Variants in SUGCT observed in about 807,000 individuals in gnomAD.
The protein encoded by SUGCT is succinyl-CoA:glutarate CoA-transferase.
SUGCT carries 41 observed loss-of-function variants against 55.0 expected under a neutral mutation model. The observed-to-expected ratio is 0.74, with a 90% CI of 0.58 to 0.97. The LOEUF is 0.97. Among genes scored for constraint, SUGCT ranks in the 50% least tolerant of loss-of-function variants. The probability of loss-of-function intolerance (pLI) is 0.00; values close to 1 mark genes in which losing one functional copy is unlikely to be tolerated. For synonymous variants in SUGCT, 187 were observed against 200.4 expected (o/e 0.93, Z 0.56); for missense variants, 568 against 547.8 (o/e 1.04, Z -0.37).
intron 13 of SUGCT, among the ~76,000 whole-genome samples, chr7:40,842,432 G>A (rs937722961): frequency 1.3e-5 from 2 of 152,106 alleles, no homozygotes; most frequent in South Asian, 4.2e-4. Flanking sequence ...ACCTATTACT[G>A]TCATACTAAA....
At chr7:40,215,402 C>T (rs1787568251) in intron 6 of SUGCT, among the ~76,000 whole-genome samples, 1 of 152,130 alleles carries the variant, frequency 6.6e-6, no homozygotes, top group African/African-American at 2.4e-5. Context: ...GGCCCACCCG[C>T]CTTGGCCTCC....
intron 9 of SUGCT, among the ~76,000 whole-genome samples, chr7:40,354,887 A>T (rs1797814926): frequency 6.6e-6 from 1 of 152,210 alleles, no homozygotes; most frequent in Admixed American, 6.5e-5. Context: ...CAGTCTACAC[A>T]TTATTATGAG....
At chr7:40,141,518 C>T (rs1020787548) in intron 1 of SUGCT, among the ~76,000 whole-genome samples, 33 of 151,782 alleles carry the variant, frequency 2.2e-4, no homozygotes, top group African/African-American at 8.0e-4. Context: ...CCTGTAATCC[C>T]AGCTACTTGG....
chr7:40,137,620 C>T (rs1427467997), intron 1 of SUGCT, among the ~76,000 whole-genome samples: 1 of 152,100 alleles, frequency 6.6e-6, no homozygotes, highest in African/African-American at 2.4e-5. Flanking sequence ...ATAAAAGTGA[C>T]CAATAAAAAA....
chr7:40,444,380 G>T (rs1442106085), intron 9 of SUGCT, among the ~76,000 whole-genome samples: 1 of 152,084 alleles, frequency 6.6e-6, no homozygotes, highest in South Asian at 2.1e-4. Flanking sequence ...CCATTTGTTT[G>T]TGTTCTCTTT....
At chr7:40,386,401 G>A (rs568171217) in intron 9 of SUGCT, among the ~76,000 whole-genome samples, 2 of 152,208 alleles carry the variant, frequency 1.3e-5, no homozygotes, top group East Asian at 3.9e-4. Flanking sequence ...CAAAGTTGTG[G>A]GGCTGAGGTC....
chr7:40,396,416 A>G (rs1294415697), intron 9 of SUGCT, among the ~76,000 whole-genome samples: 1 of 152,172 alleles, frequency 6.6e-6, no homozygotes, highest in Non-Finnish European at 1.5e-5. Context: ...TGTTTAAAAG[A>G]GCTTGACTAA....
chr7:40,420,697 T>C (rs1012415150), intron 9 of SUGCT, among the ~76,000 whole-genome samples: 3 of 152,104 alleles, frequency 2.0e-5, no homozygotes, highest in African/African-American at 7.2e-5. Context: ...TTTCTGGCTC[T>C]TTGTGCTGCT....
the SUGCT span, among the ~76,000 whole-genome samples, chr7:40,993,667 C>G: frequency 1.3e-5 from 2 of 152,128 alleles, no homozygotes; most frequent in Non-Finnish European, 2.9e-5. Flanking sequence ...GCATTTTACC[C>G]ATGGCCAGAA....
At chr7:40,559,470 G>A (rs958546519) in intron 12 of SUGCT, among the ~76,000 whole-genome samples, 21 of 152,200 alleles carry the variant, frequency 1.4e-4, no homozygotes, top group African/African-American at 5.1e-4. Flanking sequence ...GTCACCCAGT[G>A]GTTACAATTG....
chr7:40,669,078 T>C (rs1479609141), intron 12 of SUGCT, among the ~76,000 whole-genome samples: 1 of 152,110 alleles, frequency 6.6e-6, no homozygotes, highest in African/African-American at 2.4e-5. Flanking sequence ...ACATGAGGAA[T>C]AGGACAAAGA....
chr7:40,562,406 A>G (rs556395262), intron 12 of SUGCT, among the ~76,000 whole-genome samples: 68 of 152,140 alleles, frequency 4.5e-4, no homozygotes, highest in Admixed American at 1.8e-3. Context: ...GAGGTGTAAA[A>G]TGGTGTAGGA....
At chr7:40,516,113 T>A (rs1793215927) in intron 12 of SUGCT, among the ~76,000 whole-genome samples, 1 of 152,198 alleles carries the variant, frequency 6.6e-6, no homozygotes, top group South Asian at 2.1e-4. Flanking sequence ...CTAATGACAA[T>A]GATGTTGAAA....
intron 12 of SUGCT, among the ~76,000 whole-genome samples, chr7:40,735,793 A>G (rs998713072): frequency 2.6e-5 from 4 of 152,170 alleles, no homozygotes; most frequent in Non-Finnish European, 4.4e-5. Context: ...TGTTTTGACC[A>G]TGGTTCTTGA....
At chr7:40,851,172 C>A (rs150258099) in intron 13 of SUGCT, among the ~76,000 whole-genome samples, 5 of 152,128 alleles carry the variant, frequency 3.3e-5, no homozygotes, top group Non-Finnish European at 7.4e-5. Context: ...CAGTCTTAAC[C>A]GCCTTGTTGT....
In SUGCT at chr7:40,459,423, A is replaced by C. The variant is rs3779136; in HGVS notation, c.986+225A>C. On this transcript the variant is annotated intron_variant, in intron 11 of 13. Transcript: ENST00000335693. ...GTTTTGTTAAGTACTGAGTCATAAC[A>C]ATGATATAAATAAGAAAGTCACCAT... 8.3e-3 allele frequency among the ~76,000 whole-genome samples: 1,259 copies of C among 152,308 alleles called. 50 individuals carry two copies. The highest frequency in any genetic ancestry group is 0.059 in the Admixed American group (909 of 15,300).
At position 40,221,691 on chromosome 7, in the gene SUGCT, A is replaced by G. The variant is rs113242761; in HGVS notation, c.485-15944A>G. 4.3e-4 allele frequency among the ~76,000 whole-genome samples: 66 copies of G among 151,828 alleles called. 1 individual carries two copies. The highest frequency in any genetic ancestry group is 1.4e-3 in the African/African-American group (57 of 41,448). On this transcript the variant is annotated intron_variant, in intron 6 of 13. Coordinates refer to ENST00000335693, the MANE Select transcript of SUGCT (RefSeq NM_001193313.2). ...TTTTTAGTAGAGATGGGGTTTCACT[A>G]TGTTGGCCAGGCTGGTCTTGAACTC... is the stretch of plus-strand genomic sequence containing the variant.
the SUGCT span, among the ~76,000 whole-genome samples, chr7:40,909,410 G>A: frequency 2.0e-5 from 3 of 152,114 alleles, no homozygotes; most frequent in African/African-American, 7.2e-5. Flanking sequence ...CCCGGGGTTC[G>A]CTAGGCTCCT....
Position 40,638,425 on chromosome 7 carries a change from T to C in SUGCT, c.1090-111009T>C, listed in dbSNP as rs76620195. Among the ~76,000 whole-genome samples, 492 of 152,268 alleles carry C rather than the reference T, an allele frequency of 3.2e-3. 1 individual carries two copies. Among genetic ancestry groups the C allele is most frequent in the African/African-American group, 0.011 (447 of 41,542 alleles). ...GAGTGTAGTCTGCAGGCAGAGGTCATCTATCCTGTGCATATTAAAGAATTC... is the reference window on the plus strand; with the variant it reads ...GAGTGTAGTCTGCAGGCAGAGGTCACCTATCCTGTGCATATTAAAGAATTC... On this transcript the variant is annotated intron_variant, in intron 12 of 13. Coordinates refer to ENST00000335693, the MANE Select transcript of SUGCT (RefSeq NM_001193313.2).
Sources: allele counts gnomAD v4.1 joint callset (sites outside exome capture counted in the v4.1 genomes callset), GRCh38; gene constraint gnomAD v4.1.1; transcripts MANE v1.5; gene names NCBI Gene and HGNC (gene_info 2026-07-23, HGNC 2026-07-21).